MEI4: variants seen among roughly 807,000 people sequenced by gnomAD.
The protein encoded by MEI4 is meiotic double-stranded break formation protein 4, also known as meiosis-specific protein MEI4.
In MEI4, 27 loss-of-function variants were observed where a neutral mutation model predicts 31.4. The observed-to-expected ratio is 0.86, with a 90% confidence interval of 0.63 to 1.19. MEI4 has a LOEUF of 1.19. Ranked by LOEUF, MEI4 falls within the 50% of genes most tolerant of loss-of-function variation. The probability of loss-of-function intolerance (pLI) is 0.00; values close to 1 mark genes in which losing one functional copy is unlikely to be tolerated. For missense variants in MEI4, 329 were observed against 398.9 expected (o/e 0.82, Z 1.49); for synonymous variants, 122 against 145.4 (o/e 0.84, Z 1.16).
At chr6:77,775,402 A>G (rs1191304000) in intron 3 of MEI4, among the ~76,000 whole-genome samples, 1 of 152,042 alleles carries the variant, frequency 6.6e-6, no homozygotes, top group African/African-American at 2.4e-5. Flanking sequence ...TCTTCATAGC[A>G]TAGCTCCCAC....
chr6:77,910,510 C>T (rs1766408691), intron 4 of MEI4, among the ~76,000 whole-genome samples: 1 of 152,104 alleles, frequency 6.6e-6, no homozygotes, highest in Admixed American at 6.6e-5. Context: ...ACGTGAAGGA[C>T]CTCTTCAAGG....
At chr6:77,803,337 A>G (rs914016358) in intron 3 of MEI4, among the ~76,000 whole-genome samples, 1 of 151,678 alleles carries the variant, frequency 6.6e-6, no homozygotes, top group African/African-American at 2.4e-5. Flanking sequence ...TCCTTTAAGG[A>G]CTTCTCTGCA....
At chr6:77,916,855 G>C (rs1199186909) in intron 4 of MEI4, among the ~76,000 whole-genome samples, 4 of 151,304 alleles carry the variant, frequency 2.6e-5, no homozygotes, top group Non-Finnish European at 5.9e-5. Context: ...TGGCATGCTG[G>C]TGCACTGCAC....
At chr6:77,750,379 C>T (rs1048435348) in intron 2 of MEI4, among the ~76,000 whole-genome samples, 5 of 152,092 alleles carry the variant, frequency 3.3e-5, no homozygotes, top group African/African-American at 1.2e-4. Context: ...GAGACCCATC[C>T]CACATGCAAA....
chr6:77,842,039 A>C (rs948776424), intron 4 of MEI4, among the ~76,000 whole-genome samples: 2 of 152,174 alleles, frequency 1.3e-5, no homozygotes, highest in African/African-American at 4.8e-5. Flanking sequence ...CAGGCATAAA[A>C]TCAGCAATAT....
At chr6:77,823,519 A>G (rs1769876204) in intron 3 of MEI4, among the ~76,000 whole-genome samples, 1 of 152,172 alleles carries the variant, frequency 6.6e-6, no homozygotes, top group Non-Finnish European at 1.5e-5. Context: ...GTGAGAAGCC[A>G]GATATACGTT....
chr6:77,921,104 G>A (rs1193044742), intron 4 of MEI4, among the ~76,000 whole-genome samples: 2 of 151,834 alleles, frequency 1.3e-5, no homozygotes. Context: ...TTCCTAGACG[G>A]CATCTTCTTT....
At chr6:77,719,422 C>T (rs1264265982) in intron 2 of MEI4, among the ~76,000 whole-genome samples, 1 of 119,644 alleles carries the variant, frequency 8.4e-6, no homozygotes, top group Non-Finnish European at 1.7e-5. Flanking sequence ...CTTCTACCAA[C>T]CAATTTTGGA....
intron 1 of MEI4, among the ~76,000 whole-genome samples, chr6:77,664,746 T>C (rs1213860550): frequency 6.6e-6 from 1 of 152,080 alleles, no homozygotes; most frequent in South Asian, 2.1e-4. Flanking sequence ...AGGAAGGGAC[T>C]GATGTGTTAA....
In MEI4 at chr6:77,850,948, C is replaced by T. The variant is rs371827825; in HGVS notation, c.900+21886C>T. ...CTCAAACAAATTTACAAGAAAAAAA[C>T]GAACAACCCCATCAAAAAGTGGGCA... is the stretch of plus-strand genomic sequence containing the variant. On this transcript the variant is annotated intron_variant, in intron 4 of 4. Transcript: ENST00000684080. Among the ~76,000 whole-genome samples the T allele has an allele frequency of 3.6e-4, 55 of 152,050 alleles. 2 individuals carry two copies. The East Asian group carries it at 3.7e-3, about 10-fold the overall frequency.
intron 1 of MEI4, among the ~76,000 whole-genome samples, chr6:77,680,657 C>T (rs1768940566): frequency 6.7e-6 from 1 of 149,758 alleles, no homozygotes; most frequent in Non-Finnish European, 1.5e-5. Flanking sequence ...GAAACAGTCC[C>T]TCTCTCTTAA....
At chr6:77,743,783 A>C (rs1188292309) in intron 2 of MEI4, among the ~76,000 whole-genome samples, 1 of 151,950 alleles carries the variant, frequency 6.6e-6, no homozygotes, top group Non-Finnish European at 1.5e-5. Flanking sequence ...TCCAGAGGAA[A>C]GATCAGACAG....
intron 3 of MEI4, among the ~76,000 whole-genome samples, chr6:77,772,330 G>A (rs1001972187): frequency 1.3e-5 from 2 of 150,422 alleles, no homozygotes; most frequent in African/African-American, 2.4e-5. Context: ...CAAAAATCTA[G>A]CAAACCAAAT....
At chr6:77,699,193 T>C (rs1482997341) in intron 2 of MEI4, among the ~76,000 whole-genome samples, 1 of 143,782 alleles carries the variant, frequency 7.0e-6, no homozygotes, top group Non-Finnish European at 1.5e-5. Flanking sequence ...AAGTTTCTTT[T>C]TTTTTTTTTT....
chr6:77,760,257 A>G (rs1016159489), intron 2 of MEI4, among the ~76,000 whole-genome samples: 4 of 150,924 alleles, frequency 2.7e-5, no homozygotes, highest in Admixed American at 6.6e-5. Flanking sequence ...CACATATATG[A>G]TATACATATA....
At chr6:77,745,450 G>C (rs768220002) in intron 2 of MEI4, among the ~76,000 whole-genome samples, 7 of 151,974 alleles carry the variant, frequency 4.6e-5, no homozygotes, top group Admixed American at 2.0e-4. Context: ...CCCAATACAG[G>C]AGCACCCAGA....
At chr6:77,743,106 T>C (rs1184115121) in intron 2 of MEI4, among the ~76,000 whole-genome samples, 1 of 152,206 alleles carries the variant, frequency 6.6e-6, no homozygotes, top group African/African-American at 2.4e-5. Context: ...CGATGCGGGC[T>C]CTTTTTTGGT....
chr6:77,882,355 A>G (rs1006201198), intron 4 of MEI4, among the ~76,000 whole-genome samples: 1 of 152,140 alleles, frequency 6.6e-6, no homozygotes, highest in African/African-American at 2.4e-5. Flanking sequence ...ATTATACTCA[A>G]TCTCCATCAT....
intron 2 of MEI4, among the ~76,000 whole-genome samples, chr6:77,738,435 A>C (rs1767312224): frequency 6.6e-6 from 1 of 152,062 alleles, no homozygotes; most frequent in Admixed American, 6.6e-5. Flanking sequence ...TTCTTTCTTT[A>C]TTAGTCTAGC....
Sources: gnomAD v4.1 joint callset for allele counts (sites outside exome capture counted in the v4.1 genomes callset) on GRCh38, gnomAD v4.1.1 for gene constraint, MANE v1.5 for transcripts, NCBI Gene and HGNC (gene_info 2026-07-23, HGNC 2026-07-21) for gene names.